RIMS2: variants seen among roughly 807,000 people sequenced by gnomAD.
The protein encoded by RIMS2 is regulating synaptic membrane exocytosis 2.
Under a neutral mutation model 174.4 loss-of-function variants are expected in RIMS2, and 59 were observed. That is an observed-to-expected ratio of 0.34 (90% confidence interval 0.27 to 0.42). The LOEUF (loss-of-function observed/expected upper bound fraction) is 0.42. Ranked by LOEUF, RIMS2 falls within the 10% of genes least tolerant of loss-of-function variation. RIMS2 has a pLI of 1.00. For missense variants in RIMS2, 1,620 were observed against 1,666.3 expected, an observed-to-expected ratio of 0.97 and a Z score of 0.48; for synonymous variants, 606 against 572.5, an observed-to-expected ratio of 1.06 and a Z score of -0.84.
chr8:103,822,689 T>C (rs572839663), intron 3 of RIMS2, among the ~76,000 whole-genome samples: 2 of 151,996 alleles, frequency 1.3e-5, no homozygotes, highest in South Asian at 2.1e-4. Context: ...ACTGGACGTC[T>C]AGCAAAAAGA....
intron 19 of RIMS2, among the ~76,000 whole-genome samples, chr8:104,167,545 T>C (rs1238001523): frequency 4.6e-5 from 7 of 152,206 alleles, no homozygotes; most frequent in Admixed American, 3.9e-4. Flanking sequence ...TGCTGATTTG[T>C]TTGAGCTCTG....
chr8:103,756,609 A>G (rs370638323), intron 2 of RIMS2, among the ~76,000 whole-genome samples: 6 of 151,494 alleles, frequency 4.0e-5, no homozygotes, highest in South Asian at 2.1e-4. Context: ...AATTTTTTGT[A>G]GAGATGGGGT....
rs771269472 is a variant in RIMS2, at chr8:103,989,293, T to A, written c.2928-12T>A. 1.4e-6 allele frequency: 2 copies of A among 1,465,152 alleles called. No homozygotes were observed. The highest frequency in any genetic ancestry group is 2.3e-5 in the South Asian group (2 of 87,594). 90.8% of individuals were successfully genotyped at this position (1,465,152 alleles called of 1,614,324 possible). The stretch of plus-strand genomic sequence containing the variant: ...GGTTTACTAAGATATTGAATAGATC[T>A]TGTTGTTTTAGTCGGAATGTGGAAC... On this transcript the variant is annotated splice_polypyrimidine_tract_variant and intron_variant, in intron 16 of 23. Coordinates refer to ENST00000504942, the Ensembl canonical transcript of RIMS2.
intron 3 of RIMS2, among the ~76,000 whole-genome samples, chr8:103,853,036 T>C (rs2099007797): frequency 6.6e-6 from 1 of 152,122 alleles, no homozygotes. Flanking sequence ...TGTATAAGTG[T>C]TCCCTTTTCT....
chr8:103,610,669 C>T lies in RIMS2; in HGVS notation c.177-86417C>T, dbSNP rs527905375. The stretch of plus-strand genomic sequence containing the variant: ...TTTGTATAGCCAGTCTTGCATCCCA[C>T]GGCTAAAACCAATTTGATTGTGGTG... On this transcript the variant is annotated intron_variant, in intron 1 of 23. Coordinates refer to ENST00000504942, the Ensembl canonical transcript of RIMS2. Among the ~76,000 whole-genome samples, 19 of 152,284 alleles carry T rather than the reference C, an allele frequency of 1.2e-4. No individual in the cohort carries two copies. In the South Asian group the frequency reaches 2.5e-3, roughly 20 times the overall value.
At chr8:104,163,611 G>A (rs2098778212) in intron 19 of RIMS2, among the ~76,000 whole-genome samples, 1 of 152,184 alleles carries the variant, frequency 6.6e-6, no homozygotes, top group South Asian at 2.1e-4. Context: ...AAGAGAGGCA[G>A]TAGTTTCTAA....
At chr8:104,094,405 A>C (rs767147162) in intron 19 of RIMS2, 2 of 582,514 alleles carry the variant, frequency 3.4e-6, no homozygotes, top group African/African-American at 3.8e-5. Flanking sequence ...GTTTAATTTC[A>C]TAAGTGTTTT....
chr8:103,521,647 A>G (rs1374524302), intron 1 of RIMS2, among the ~76,000 whole-genome samples: 1 of 151,870 alleles, frequency 6.6e-6, no homozygotes, highest in African/African-American at 2.4e-5. Context: ...TTTACTATTC[A>G]TTTTTGCTGT....
chr8:103,756,973 G>A (rs1035206779), intron 2 of RIMS2, among the ~76,000 whole-genome samples: 8 of 121,442 alleles, frequency 6.6e-5, no homozygotes, highest in South Asian at 2.6e-4. Context: ...GTATGTGTGT[G>A]TGTGTCTGTG....
At chr8:103,757,898 C>G (rs896469904) in intron 2 of RIMS2, among the ~76,000 whole-genome samples, 1 of 152,190 alleles carries the variant, frequency 6.6e-6, no homozygotes, top group South Asian at 2.1e-4. Flanking sequence ...CCAGAGGAGA[C>G]AAGGAACTGG....
At chr8:103,596,662 A>G (rs1193822161) in intron 1 of RIMS2, among the ~76,000 whole-genome samples, 1 of 152,086 alleles carries the variant, frequency 6.6e-6, no homozygotes, top group African/African-American at 2.4e-5. Context: ...CTCCTTGTAC[A>G]TGTGCAATTA....
intron 2 of RIMS2, among the ~76,000 whole-genome samples, chr8:103,732,205 G>T (rs894449691): frequency 3.3e-5 from 5 of 152,198 alleles, no homozygotes; most frequent in African/African-American, 1.2e-4. Context: ...TCACCGAGGT[G>T]CTGATGCCAT....
chr8:103,695,943 G>A (rs894598932), intron 1 of RIMS2, among the ~76,000 whole-genome samples: 3 of 151,988 alleles, frequency 2.0e-5, no homozygotes, highest in African/African-American at 7.2e-5. Context: ...TTTATATTTG[G>A]TAGTTGATTT....
chr8:104,235,749 A>G (rs1266785313), intron 19 of RIMS2, among the ~76,000 whole-genome samples: 3 of 152,050 alleles, frequency 2.0e-5, no homozygotes, highest in Non-Finnish European at 4.4e-5. Flanking sequence ...TGCAGACATC[A>G]TGATAAATCA....
intron 1 of RIMS2, among the ~76,000 whole-genome samples, chr8:103,677,646 A>G (rs2096831984): frequency 6.6e-6 from 1 of 152,154 alleles, no homozygotes; most frequent in Admixed American, 6.6e-5. Flanking sequence ...TAGAAGCTCT[A>G]TTTTGGTTCC....
At chr8:103,959,944 C>T (rs1005523160) in intron 14 of RIMS2, among the ~76,000 whole-genome samples, 1 of 152,000 alleles carries the variant, frequency 6.6e-6, no homozygotes, top group Admixed American at 6.6e-5. Context: ...ATTAAAAGAA[C>T]TAGAGAAGCA....
At chr8:103,619,573 C>T (rs766739463) in intron 1 of RIMS2, among the ~76,000 whole-genome samples, 9 of 151,938 alleles carry the variant, frequency 5.9e-5, no homozygotes, top group Non-Finnish European at 1.2e-4. Context: ...GGTTGGTAAA[C>T]AGTGGGGAAG....
At chr8:104,200,091 A>G (rs1196089714) in intron 19 of RIMS2, among the ~76,000 whole-genome samples, 2 of 152,188 alleles carry the variant, frequency 1.3e-5, no homozygotes, top group Non-Finnish European at 2.9e-5. Flanking sequence ...TGGTCAGGGC[A>G]GGGCTTAACT....
At chr8:103,687,407 T>A (rs1421204431) in intron 1 of RIMS2, among the ~76,000 whole-genome samples, 1 of 152,114 alleles carries the variant, frequency 6.6e-6, no homozygotes, top group Non-Finnish European at 1.5e-5. Flanking sequence ...TTAAATTTAA[T>A]TTCAAATTAA....
Sources: gnomAD v4.1 joint callset for allele counts (sites outside exome capture counted in the v4.1 genomes callset) on GRCh38, gnomAD v4.1.1 for gene constraint, MANE v1.5 for transcripts, NCBI Gene and HGNC (gene_info 2026-07-23, HGNC 2026-07-21) for gene names.